The following BRD1 variants were observed in gnomAD, a reference collection of about 807,000 sequenced individuals.
The protein encoded by BRD1 is bromodomain-containing protein 1.
In BRD1, 24 loss-of-function variants were observed where a neutral mutation model predicts 107.7. That is an observed-to-expected ratio of 0.22 (90% CI 0.16 to 0.31). The LOEUF (loss-of-function observed/expected upper bound fraction) is 0.31. Among genes scored for constraint, BRD1 ranks in the 10% least tolerant of loss-of-function variants. The pLI is 1.00. For missense variants in BRD1, 1,279 were observed against 1,638.6 expected (o/e 0.78, Z 3.79); for synonymous variants, 744 against 686.1 (o/e 1.08, Z -1.32).
chr22:49,799,903 C>T (rs1442048075), intron 3 of BRD1, among the ~76,000 whole-genome samples: 3 of 152,238 alleles, frequency 2.0e-5, no homozygotes, highest in South Asian at 4.1e-4. Flanking sequence ...GAGGCCTGCT[C>T]GTCACAGTGC....
intron 8 of BRD1, among the ~76,000 whole-genome samples, chr22:49,781,363 A>T (rs1192919919): frequency 6.6e-6 from 1 of 152,034 alleles, no homozygotes; most frequent in Non-Finnish European, 1.5e-5. Flanking sequence ...CGGCTGAGAC[A>T]CCGCCCCTCC....
At chr22:49,826,294 C>T in intron 1 of BRD1, 2 of 981,242 alleles carry the variant, frequency 2.0e-6, no homozygotes, top group Non-Finnish European at 2.4e-6. Flanking sequence ...GAGAACTGAA[C>T]CGAAGGCTTC....
intron 8 of BRD1, among the ~76,000 whole-genome samples, chr22:49,779,829 G>C (rs911379574): frequency 6.6e-6 from 1 of 152,126 alleles, no homozygotes; most frequent in East Asian, 1.9e-4. Context: ...CACCCAGCTC[G>C]CATCAGCAGT....
At chr22:49,776,901 G>C in intron 10 of BRD1, 133 bp downstream of exon 10, 2 of 1,313,220 alleles carry the variant, frequency 1.5e-6, no homozygotes, top group East Asian at 2.3e-5. Flanking sequence ...ACCCTTCCCC[G>C]GGAGGTTGGC....
Position 49,798,007 on chromosome 22 carries a change from A to G in BRD1, c.1896T>C (p.Asp632=), listed in dbSNP as rs2059567242. The G allele has an allele frequency of 3.1e-6, 5 of 1,614,104 alleles. No individual in the cohort carries two copies. The highest frequency in any genetic ancestry group is 3.3e-5 in the Admixed American group (2 of 60,008). The change falls in exon 6 of 13, where the codon GAT becomes GAC. Residue 632 remains aspartate, a synonymous_variant. Coordinates refer to ENST00000404760, the MANE Select transcript of BRD1 (RefSeq NM_001304808.3). Reference sequence around the variant, plus strand: ...ACTTCATGCAGTTATCTATAATGAGATCAAAATCCTCCTCAAACTCATGGA... The same window carrying G: ...ACTTCATGCAGTTATCTATAATGAGGTCAAAATCCTCCTCAAACTCATGGA... ...KNLHEFEEDF[D]LIIDNCMKYN... is the part of the protein sequence containing the mutation.
intron 11 of BRD1, 83 bp from the exon 12 acceptor site, chr22:49,775,828 T>TGTGTGAGCCTCCTCAGAACTCCCCCGCCA: frequency 1.4e-6 from 1 of 728,866 alleles, no homozygotes; most frequent in Non-Finnish European, 1.8e-6. Flanking sequence ...CCCCCCCGCC[T>TGTGTGAGCCTCCTCAGAACTCCCCCGCCA]CCCCACCCCA....
chr22:49,799,168 C>A (rs745503047), intron 3 of BRD1, 49 bp from the exon 4 acceptor site: 12 of 1,581,950 alleles, frequency 7.6e-6, no homozygotes, highest in African/African-American at 1.3e-5. Context: ...GCTCCTTCTG[C>A]AAAAGGCCTC....
At chr22:49,806,303 T>TG (rs2059742993) in intron 2 of BRD1, 1 of 152,232 alleles carries the variant, frequency 6.6e-6, no homozygotes, top group Admixed American at 6.5e-5. Flanking sequence ...CTTCTGGAAA[T>TG]GTCAACAGCC....
Position 49,824,291 on chromosome 22 carries a change from T to C in BRD1, c.27A>G (p.Arg9=). 1 of 1,613,786 alleles carries C rather than the reference T, an allele frequency of 6.2e-7. No individual in the cohort carries two copies. The highest frequency in any genetic ancestry group is 1.3e-5 in the African/African-American group (1 of 75,044). The part of the protein sequence containing the change: MRRKGRCH[R]GSAARHPSSP... ...AAGAAGGATGCCTCGCTGCAGAGCC[T>C]CGATGACATCGTCCTTTCCTCCTCA... Residue 9 remains arginine, a synonymous_variant, in exon 2 of 13, where the codon CGA becomes CGG. Transcript: ENST00000404760. This position sits in a 1 kb window ranked among gnomAD's most constrained non-coding sequence, Gnocchi z 5.9.
At chr22:49,821,607 C>T (rs116867865) in intron 2 of BRD1, among the ~76,000 whole-genome samples, 17 of 133,640 alleles carry the variant, frequency 1.3e-4, no homozygotes, top group Non-Finnish European at 2.1e-4. Context: ...CTTAAAACTT[C>T]TTTTTTTTTT....
At chr22:49,798,232 A>C in intron 5 of BRD1, 115 bp from the exon 6 acceptor site, 1 of 1,114,310 alleles carries the variant, frequency 9.0e-7, no homozygotes, top group Non-Finnish European at 1.3e-6. Context: ...CCACACACAG[A>C]CACGCAGACG....
chr22:49,798,743 A>C (rs1601671639), intron 4 of BRD1, 57 bp from the exon 5 acceptor site: 2 of 1,492,224 alleles, frequency 1.3e-6, no homozygotes, highest in Non-Finnish European at 1.8e-6. Flanking sequence ...TCTCAGCCCC[A>C]CCACGCGCCC....
chr22:49,805,774 C>T (rs969714573), intron 2 of BRD1: 1 of 147,566 alleles, frequency 6.8e-6, no homozygotes, highest in African/African-American at 2.5e-5. Flanking sequence ...TGGAGTCTCA[C>T]TCTATTGCCC....
rs1347822698 is a variant in BRD1, at chr22:49,827,738, C to T, written c.-256G>A. ...CTCGGGCTCGGGGCCCAGCTGGAGG[C>T]CCGGCTCGGGGGGCCCGGCCGGCGG... On this transcript the variant is annotated 5_prime_UTR_variant, in exon 1 of 13. Transcript: ENST00000404760. Among the ~76,000 whole-genome samples the T allele has an allele frequency of 7.0e-6, 1 of 143,354 alleles. No individual in the cohort carries two copies. The highest frequency in any genetic ancestry group is 1.5e-5 in the Non-Finnish European group (1 of 64,886). 94.0% of individuals were successfully genotyped at this position (143,354 alleles called of 152,430 possible).
intron 8 of BRD1, among the ~76,000 whole-genome samples, chr22:49,779,067 A>T (rs1003128309): frequency 6.6e-6 from 1 of 152,126 alleles, no homozygotes; most frequent in African/African-American, 2.4e-5. Context: ...ATTTGTAAAT[A>T]GAGCATTTCT....
At position 49,799,109 on chromosome 22, in the gene BRD1, T is replaced by A; in HGVS notation, c.1535A>T (p.Asp512Val). 1 of 1,607,424 alleles carries A rather than the reference T, an allele frequency of 6.2e-7. No individual in the cohort carries two copies. The highest frequency in any genetic ancestry group is 8.5e-7 in the Non-Finnish European group (1 of 1,179,768). ...CTCTTTGGCAGCCTTCATCTCCTCA[T>A]CATTTTCTCTCTGAGAACAGTGAAC... Reference protein sequence around the residue: ...SQRSSQQRENDEEMKAAKEKL... With the variant: ...SQRSSQQRENVEEMKAAKEKL... The change falls in exon 4 of 13, where the codon GAT becomes GTT. Residue 512 changes from aspartate (D) to valine (V), a missense_variant. This residue lies in a region of BRD1 where 406 missense variants were observed against 519.4 expected (regional missense o/e 0.78). Transcript: ENST00000404760.
At position 49,776,715 on chromosome 22, in the gene BRD1, G is replaced by T. The variant is rs527949213; in HGVS notation, c.3121+319C>A. Among the ~76,000 whole-genome samples the T allele has an allele frequency of 3.9e-5, 6 of 152,342 alleles. No individual in the cohort carries two copies. In the South Asian group the frequency reaches 1.2e-3, roughly 32 times the overall value. On this transcript the variant is annotated intron_variant, in intron 10 of 12. Coordinates refer to ENST00000404760, the MANE Select transcript of BRD1 (RefSeq NM_001304808.3). Reference sequence around the variant, plus strand: ...ACCCACCCTGCAGTCAGTCCCCTGTGCAGCTGCAAATGACCACTGAACCTA... The same window carrying T: ...ACCCACCCTGCAGTCAGTCCCCTGTTCAGCTGCAAATGACCACTGAACCTA...
At chr22:49,814,746 C>G (rs1343947667) in intron 2 of BRD1, among the ~76,000 whole-genome samples, 1 of 152,242 alleles carries the variant, frequency 6.6e-6, no homozygotes, top group Admixed American at 6.5e-5. Context: ...GCAGGTAGCA[C>G]CTAGGCTGGA....
chr22:49,817,482 T>G (rs2059975832), intron 2 of BRD1: 2 of 153,648 alleles, frequency 1.3e-5, no homozygotes, highest in South Asian at 3.9e-4. Flanking sequence ...AAGCCCAAGC[T>G]CAAACAATCA....
Sources: allele counts gnomAD v4.1 joint callset (sites outside exome capture counted in the v4.1 genomes callset), GRCh38; gene constraint gnomAD v4.1.1; regional missense constraint gnomAD v4.1.1; non-coding constraint Gnocchi (gnomAD v3.1); transcripts MANE v1.5; gene names NCBI Gene and HGNC (gene_info 2026-07-23, HGNC 2026-07-21).